Variants in LUZP2 observed in about 807,000 individuals in gnomAD.
The protein encoded by LUZP2 is leucine zipper protein 2.
In LUZP2, 52 loss-of-function variants were observed where a neutral mutation model predicts 51.6. The observed-to-expected ratio is 1.01, with a 90% CI of 0.81 to 1.27. The LOEUF (loss-of-function observed/expected upper bound fraction) is 1.27, where lower values mean the gene tolerates loss of function less well. Among genes scored for constraint, LUZP2 ranks in the 50% most tolerant of loss-of-function variants. LUZP2 has a pLI of 0.00. For missense variants in LUZP2, 436 were observed against 395.4 expected, an observed-to-expected ratio of 1.10 and a Z score of -0.87; for synonymous variants, 154 against 137.3, an observed-to-expected ratio of 1.12 and a Z score of -0.85.
intron 9 of LUZP2, among the ~76,000 whole-genome samples, chr11:24,989,307 T>C (rs190556741): frequency 1.1e-4 from 16 of 152,112 alleles, no homozygotes; most frequent in African/African-American, 3.6e-4. Context: ...ATCTGAGAGG[T>C]TCCATGTTGG....
intron 5 of LUZP2, among the ~76,000 whole-genome samples, chr11:24,895,322 A>AT (rs1853004430): frequency 6.6e-6 from 1 of 152,176 alleles, no homozygotes; most frequent in African/African-American, 2.4e-5. Flanking sequence ...ATATATATAT[A>AT]AAAAAACTGC....
intron 7 of LUZP2, among the ~76,000 whole-genome samples, chr11:24,919,543 G>T (rs1223611144): frequency 7.2e-6 from 1 of 138,540 alleles, no homozygotes; most frequent in Non-Finnish European, 1.5e-5. Flanking sequence ...TACTGTATAT[G>T]TATTCTTTAT....
At chr11:24,864,626 G>C (rs1590658319) in intron 5 of LUZP2, among the ~76,000 whole-genome samples, 1 of 152,254 alleles carries the variant, frequency 6.6e-6, no homozygotes, top group South Asian at 2.1e-4. Flanking sequence ...TACATTAGGT[G>C]ATTCTTTTAC....
At chr11:24,762,855 C>T (rs536244639) in intron 4 of LUZP2, 8 of 280,244 alleles carry the variant, frequency 2.9e-5, no homozygotes, top group African/African-American at 4.6e-5. Context: ...TGACACTTGG[C>T]GACAGGTCAT....
intron 5 of LUZP2, among the ~76,000 whole-genome samples, chr11:24,888,192 G>C (rs961029987): frequency 6.6e-6 from 1 of 152,070 alleles, no homozygotes; most frequent in Admixed American, 6.6e-5. Context: ...CACAAGAACT[G>C]TATTCCTGTC....
chr11:24,924,026 C>G (rs1854153333), intron 7 of LUZP2, among the ~76,000 whole-genome samples: 2 of 151,996 alleles, frequency 1.3e-5, no homozygotes, highest in Non-Finnish European at 2.9e-5. Flanking sequence ...CTGATCAAAG[C>G]CTCAAAAGAA....
chr11:24,551,235 A>G (rs1259972518), intron 1 of LUZP2, among the ~76,000 whole-genome samples: 1 of 152,146 alleles, frequency 6.6e-6, no homozygotes, highest in Admixed American at 6.6e-5. Flanking sequence ...ATATATACGT[A>G]CTACAAAATA....
At chr11:24,726,534 CA>C (rs552755345) in intron 1 of LUZP2, among the ~76,000 whole-genome samples, 2 of 151,114 alleles carry the variant, frequency 1.3e-5, no homozygotes, top group East Asian at 1.9e-4. Flanking sequence ...CTCCCCCCAC[CA>C]AAAAAAATTA....
intron 5 of LUZP2, among the ~76,000 whole-genome samples, chr11:24,790,062 G>A (rs1849366259): frequency 6.6e-6 from 1 of 152,074 alleles, no homozygotes. Flanking sequence ...TCGTATGCAA[G>A]AATATCTAAT....
At chr11:24,608,612 G>A (rs921988557) in intron 1 of LUZP2, among the ~76,000 whole-genome samples, 8 of 152,132 alleles carry the variant, frequency 5.3e-5, no homozygotes, top group Non-Finnish European at 1.5e-5. Flanking sequence ...CCAAGGAAGA[G>A]TTGTGATTGT....
At chr11:25,039,098 G>A (rs562915403) in intron 9 of LUZP2, among the ~76,000 whole-genome samples, 2 of 152,260 alleles carry the variant, frequency 1.3e-5, no homozygotes, top group South Asian at 4.1e-4. Context: ...TGGGGTTTGA[G>A]AAAGATACCT....
intron 1 of LUZP2, among the ~76,000 whole-genome samples, chr11:24,619,069 C>T (rs1406908851): frequency 1.3e-5 from 2 of 151,304 alleles, no homozygotes; most frequent in Non-Finnish European, 2.9e-5. Context: ...TGCTTTTTTA[C>T]CCAAGTTGCA....
intron 1 of LUZP2, among the ~76,000 whole-genome samples, chr11:24,544,299 G>A (rs1390047654): frequency 2.0e-5 from 3 of 151,922 alleles, no homozygotes; most frequent in Non-Finnish European, 2.9e-5. Flanking sequence ...AACCTTTTAT[G>A]CTAAGTTCAG....
At chr11:24,590,487 T>A (rs1853221529) in intron 1 of LUZP2, among the ~76,000 whole-genome samples, 3 of 152,160 alleles carry the variant, frequency 2.0e-5, no homozygotes, top group Non-Finnish European at 4.4e-5. Flanking sequence ...GATTGCTCAT[T>A]TTTATTAGTG....
intron 1 of LUZP2, among the ~76,000 whole-genome samples, chr11:24,699,896 A>G (rs764291113): frequency 6.6e-6 from 1 of 151,242 alleles, no homozygotes; most frequent in Non-Finnish European, 1.5e-5. Flanking sequence ...TATAATATAC[A>G]GAGTCTGTAT....
chr11:24,589,956 T>TA (rs1853201896), intron 1 of LUZP2, among the ~76,000 whole-genome samples: 1 of 152,202 alleles, frequency 6.6e-6, no homozygotes, highest in African/African-American at 2.4e-5. Context: ...TTGAGTGCTT[T>TA]ATCCTAAGTT....
chr11:24,740,937 G>A (rs2716445), intron 4 of LUZP2, among the ~76,000 whole-genome samples: 52,254 of 151,784 alleles, frequency 0.34, 9,340 homozygotes, highest in East Asian at 0.58. Flanking sequence ...CAACTTCTAA[G>A]TTGTATCACA....
intron 9 of LUZP2, among the ~76,000 whole-genome samples, chr11:25,001,384 G>C (rs1201324190): frequency 6.6e-6 from 1 of 152,238 alleles, no homozygotes; most frequent in East Asian, 1.9e-4. Flanking sequence ...AATCGCCTCA[G>C]AGGAACCATC....
intron 5 of LUZP2, among the ~76,000 whole-genome samples, chr11:24,845,397 G>A (rs1299646247): frequency 6.6e-6 from 1 of 152,138 alleles, no homozygotes; most frequent in African/African-American, 2.4e-5. Context: ...TGGCTTATGT[G>A]TGAAAGGGAA....
Sources: gnomAD v4.1 joint callset for allele counts (sites outside exome capture counted in the v4.1 genomes callset) on GRCh38, gnomAD v4.1.1 for gene constraint, MANE v1.5 for transcripts, NCBI Gene and HGNC (gene_info 2026-07-23, HGNC 2026-07-21) for gene names.